MAP3K3: variants seen among roughly 807,000 people sequenced by gnomAD.
The protein encoded by MAP3K3 is mitogen-activated protein kinase kinase kinase 3, also known as MAP/ERK kinase kinase 3.
A neutral mutation model predicts 80.9 loss-of-function variants in MAP3K3; 12 were observed. The observed-to-expected ratio is 0.15, with a 90% confidence interval of 0.10 to 0.24. MAP3K3 has a LOEUF of 0.24. Ranked by LOEUF, MAP3K3 falls within the 10% of genes least tolerant of loss-of-function variation. MAP3K3 has a pLI of 1.00. For synonymous variants in MAP3K3, 272 were observed against 307.1 expected (o/e 0.89, Z 1.19); for missense variants, 596 against 834.7 (o/e 0.71, Z 3.52).
At chr17:63,653,717 A>T (rs978785460) in intron 4 of MAP3K3, among the ~76,000 whole-genome samples, 1 of 152,178 alleles carries the variant, frequency 6.6e-6, no homozygotes, top group Non-Finnish European at 1.5e-5. Context: ...AGAATCCCAA[A>T]TGAAAAATCT....
At chr17:63,688,715 G>A (rs1358226308) in intron 9 of MAP3K3, 74 bp from the exon 10 acceptor site, 40 of 1,405,894 alleles carry the variant, frequency 2.8e-5, no homozygotes, top group Non-Finnish European at 4.0e-5. Flanking sequence ...GGTCTCAGGT[G>A]CCTTGGGGAC....
intron 3 of MAP3K3, among the ~76,000 whole-genome samples, chr17:63,648,264 CAGA>C (rs2034578977): frequency 1.3e-5 from 2 of 152,188 alleles, no homozygotes; most frequent in Non-Finnish European, 2.9e-5. Context: ...AGGCCAAATG[CAGA>C]AGAATTTATC....
rs1319359044 is a variant in MAP3K3, at chr17:63,693,030, G to C, written c.1653-519G>C. ...GGTCAGAGTGGCTAATAGGAGGTGA[G>C]ACAATGAAAGCAAGAGGTTGGAGTA... On this transcript the variant is annotated intron_variant, in intron 15 of 15. Coordinates refer to ENST00000361733, the MANE Select transcript of MAP3K3 (RefSeq NM_002401.5). This position sits in a 1 kb window ranked among gnomAD's most constrained non-coding sequence, Gnocchi z 4.2. Among the ~76,000 whole-genome samples, 1 of 152,156 alleles carries C rather than the reference G, an allele frequency of 6.6e-6. No individual in the cohort carries two copies. Among genetic ancestry groups the C allele is most frequent in the East Asian group, 1.9e-4 (1 of 5,184 alleles).
At chr17:63,635,988 A>C (rs896291934) in intron 2 of MAP3K3, among the ~76,000 whole-genome samples, 1 of 152,198 alleles carries the variant, frequency 6.6e-6, no homozygotes, top group East Asian at 1.9e-4. Context: ...GGGCTGGCAG[A>C]GGCAAACAGC....
chr17:63,666,954 C>T lies in MAP3K3; in HGVS notation c.396C>T (p.Pro132=), dbSNP rs371965403. ...TTCTTTTACAGAACAGTTCCTCTCC[C>T]CACTCTGGGGTGTCCAGACAGGTGC... ...SQDRNHNSSS[P]HSGVSRQVRI... is the part of the protein sequence containing the mutation. The change falls in exon 6 of 16, where the codon CCC becomes CCT. Residue 132 remains proline (P), a synonymous_variant. Transcript: ENST00000361733. 2.9e-5 allele frequency: 46 copies of T among 1,613,088 alleles called. No homozygotes were observed. The highest frequency in any genetic ancestry group is 3.7e-5 in the Non-Finnish European group (44 of 1,179,792).
chr17:63,673,600 G>A (rs977265937), intron 6 of MAP3K3, among the ~76,000 whole-genome samples: 4 of 152,252 alleles, frequency 2.6e-5, no homozygotes, highest in African/African-American at 9.6e-5. Context: ...CTTAAGCCAT[G>A]TAACCAAGCC....
At position 63,695,176 on chromosome 17, in the gene MAP3K3, C is replaced by G. The variant is rs916540462; in HGVS notation, c.*1399C>G. On this transcript the variant is annotated 3_prime_UTR_variant, in exon 16 of 16. Coordinates refer to ENST00000361733, the MANE Select transcript of MAP3K3 (RefSeq NM_002401.5). The surrounding 1 kb of genome is among the most constrained non-coding windows in gnomAD (Gnocchi z 4.1). ...TGCCAGGCAGCCCTGCCAGCCATGC[C>G]TACATCCCCATGGGCACAGAACAAG... 1 of 152,412 alleles carries G rather than the reference C, an allele frequency of 6.6e-6. No homozygotes were observed. Among genetic ancestry groups the G allele is most frequent in the East Asian group, 1.9e-4 (1 of 5,196 alleles). The allele number at this position is 152,412 out of a possible 1,614,324, so 9.4% of individuals were successfully genotyped here. A position where few individuals can be genotyped will look rare whatever the true frequency, so the allele number is the denominator to read the frequency against.
chr17:63,689,098 T>C lies in MAP3K3; in HGVS notation c.871+217T>C, dbSNP rs1241901581. On this transcript the variant is annotated intron_variant, in intron 10 of 15. Transcript: ENST00000361733. The surrounding 1 kb of genome is among the most constrained non-coding windows in gnomAD (Gnocchi z 4.3). ...CTGCCACTGGGAACTCTGACCTTGT[T>C]TGAAGCCAGTGGTGTGCTCCAGGGG... The C allele has an allele frequency of 1.7e-6, 1 of 591,550 alleles. No homozygotes were observed. The highest frequency in any genetic ancestry group is 3.0e-5 in the Admixed American group (1 of 33,536). 36.6% of individuals were successfully genotyped at this position (591,550 alleles called of 1,614,324 possible).
chr17:63,634,185 A>C (rs1450697904), intron 2 of MAP3K3, among the ~76,000 whole-genome samples: 1 of 152,124 alleles, frequency 6.6e-6, no homozygotes, highest in Non-Finnish European at 1.5e-5. Context: ...ATTTGTATTC[A>C]AAGCCACTTT....
At chr17:63,634,509 G>A (rs748426375) in intron 2 of MAP3K3, among the ~76,000 whole-genome samples, 6 of 152,148 alleles carry the variant, frequency 3.9e-5, no homozygotes, top group Non-Finnish European at 5.9e-5. Flanking sequence ...GGGAAGTCTT[G>A]ATCTTTTGCT....
At chr17:63,645,656 C>G (rs2034526873) in intron 2 of MAP3K3, among the ~76,000 whole-genome samples, 1 of 152,172 alleles carries the variant, frequency 6.6e-6, no homozygotes, top group Admixed American at 6.5e-5. Flanking sequence ...AGCAAAATTT[C>G]TTTTTTGTCT....
chr17:63,661,583 T>C (rs1219954628), intron 5 of MAP3K3, among the ~76,000 whole-genome samples: 2 of 152,256 alleles, frequency 1.3e-5, no homozygotes, highest in Non-Finnish European at 2.9e-5. Context: ...TTTTGTAACT[T>C]GTATTTGTAT....
At chr17:63,659,387 T>G (rs2034837538) in intron 5 of MAP3K3, among the ~76,000 whole-genome samples, 1 of 152,152 alleles carries the variant, frequency 6.6e-6, no homozygotes, top group Non-Finnish European at 1.5e-5. Flanking sequence ...CACCTAGACT[T>G]TAGGCTTCTT....
rs2035588499 is a variant in MAP3K3, at chr17:63,691,417, G to A, written c.1344+184G>A. Among the ~76,000 whole-genome samples the A allele has an allele frequency of 6.6e-6, 1 of 152,180 alleles. No homozygotes were observed. Among genetic ancestry groups the A allele is most frequent in the Non-Finnish European group, 1.5e-5 (1 of 68,034 alleles). The stretch of plus-strand genomic sequence containing the variant: ...GGAGGGCCCTGCCTCAGGTTGCAGT[G>A]GGAGTATGAGATGACAGCTGTCCTA... On this transcript the variant is annotated intron_variant, in intron 13 of 15. Transcript: ENST00000361733. This position sits in a 1 kb window ranked among gnomAD's most constrained non-coding sequence, Gnocchi z 4.8.
At position 63,681,786 on chromosome 17, in the gene MAP3K3, A is replaced by G; in HGVS notation, c.523A>G (p.Ser175Gly). 3 of 1,525,542 alleles carry G rather than the reference A, an allele frequency of 2.0e-6. No individual in the cohort carries two copies. Among genetic ancestry groups the G allele is most frequent in the South Asian group, 1.3e-5 (1 of 79,882 alleles). 94.5% of individuals were successfully genotyped at this position (1,525,542 alleles called of 1,614,324 possible). ...LSVSSQNPGR[S>G]SPPPGYVPER... ...TCTAGGCTCCCAGAACCCTGGCCGAAGCTCACCTCCCCCTGGCTATGTTCC... is the reference window on the plus strand; with the variant it reads ...TCTAGGCTCCCAGAACCCTGGCCGAGGCTCACCTCCCCCTGGCTATGTTCC... The change falls in exon 7 of 16, where the codon AGC becomes GGC. Residue 175 changes from serine to glycine, a missense_variant. Transcript: ENST00000361733.
At position 63,652,560 on chromosome 17, in the gene MAP3K3, T is replaced by G; in HGVS notation, c.171T>G (p.Ile57Met). The stretch of plus-strand genomic sequence containing the variant: ...CTTTCTTTCTGTTTCTTTTCAGAAT[T>G]ATAGCGTTCAGCCGGCCTGTGAAAT... ...IKFEHNGERR[I>M]IAFSRPVKYE... The change falls in exon 4 of 16, where the codon ATT (isoleucine) becomes ATG (methionine). Residue 57 changes from isoleucine to methionine, a missense_variant. Physicochemically the swap from Ile to Met is conservative, Grantham distance 10. Coordinates refer to ENST00000361733, the MANE Select transcript of MAP3K3 (RefSeq NM_002401.5). The G allele has an allele frequency of 6.2e-7, 1 of 1,611,526 alleles. No homozygotes were observed. Among genetic ancestry groups the G allele is most frequent in the Non-Finnish European group, 8.5e-7 (1 of 1,177,722 alleles).
intron 5 of MAP3K3, among the ~76,000 whole-genome samples, chr17:63,665,182 T>TCC (rs2143449026): frequency 6.6e-6 from 1 of 151,954 alleles, no homozygotes; most frequent in Non-Finnish European, 1.5e-5. Flanking sequence ...CACATGCCTG[T>TCC]AATCCCAGCT....
chr17:63,637,490 A>T (rs1327666487), intron 2 of MAP3K3, among the ~76,000 whole-genome samples: 3 of 152,208 alleles, frequency 2.0e-5, no homozygotes, highest in Non-Finnish European at 4.4e-5. Flanking sequence ...CTACCTCTTA[A>T]GATTGTTGTA....
rs989116239 is a variant in MAP3K3 at position 63,694,548 on chromosome 17, G to C, written c.*771G>C. The C allele has an allele frequency of 3.3e-5, 5 of 152,740 alleles. No homozygotes were observed. In the East Asian group the frequency reaches 7.7e-4, roughly 23 times the overall value. The allele number at this position is 152,740 out of a possible 1,614,324, so 9.5% of individuals were successfully genotyped here. ...GTACCCAGTTTCTAAACTGGAGACT[G>C]TGTGTGCCCTCTGGGCTCTGAGTAC... On this transcript the variant is annotated 3_prime_UTR_variant, in exon 16 of 16. Transcript: ENST00000361733.
Sources: allele counts gnomAD v4.1 joint callset (sites outside exome capture counted in the v4.1 genomes callset), GRCh38; gene constraint gnomAD v4.1.1; non-coding constraint Gnocchi (gnomAD v3.1); transcripts MANE v1.5; gene names NCBI Gene and HGNC (gene_info 2026-07-23, HGNC 2026-07-21).